The following BMPR2 variants were observed in gnomAD, a reference collection of about 807,000 sequenced individuals.
BMPR2 encodes bone morphogenetic protein receptor type-2.
BMPR2 carries 29 observed loss-of-function variants against 100.8 expected under a neutral mutation model. That is an observed-to-expected ratio of 0.29 (90% CI 0.21 to 0.39). The LOEUF is 0.39. BMPR2 is among the 10% of genes least tolerant of loss of function. The probability of loss-of-function intolerance (pLI) is 1.00; values close to 1 mark genes in which losing one functional copy is unlikely to be tolerated. For missense variants in BMPR2, 1,011 were observed against 1,274.5 expected, an observed-to-expected ratio of 0.79 and a Z score of 3.15; for synonymous variants, 382 against 442.3, an observed-to-expected ratio of 0.86 and a Z score of 1.71.
intron 1 of BMPR2, among the ~76,000 whole-genome samples, chr2:202,422,741 A>G (rs1032663246): frequency 6.6e-6 from 1 of 152,038 alleles, no homozygotes; most frequent in South Asian, 2.1e-4. Context: ...CAGTGGCATG[A>G]TCTCAGCTCA....
intron 1 of BMPR2, among the ~76,000 whole-genome samples, chr2:202,444,378 T>G (rs1363304567): frequency 1.3e-5 from 2 of 150,736 alleles, no homozygotes; most frequent in African/African-American, 5.0e-5. Context: ...TGAAATAATT[T>G]GGGGCACATG....
intron 1 of BMPR2, among the ~76,000 whole-genome samples, chr2:202,390,633 A>G (rs1690527740): frequency 6.6e-6 from 1 of 152,054 alleles, no homozygotes; most frequent in African/African-American, 2.4e-5. Flanking sequence ...TGCTTGGCCG[A>G]GAATCTCCCA....
rs1296654912 is a variant in BMPR2 at position 202,381,366 on chromosome 2, C to T, written c.76+3816C>T. ...TGGCATGCAACAATAGGCATTTATTCTGCTCCATGTGTCTCTTTCTGGGGT... is the reference window on the plus strand; with the variant it reads ...TGGCATGCAACAATAGGCATTTATTTTGCTCCATGTGTCTCTTTCTGGGGT... On this transcript the variant is annotated intron_variant, in intron 1 of 12. Coordinates refer to ENST00000374580, the MANE Select transcript of BMPR2 (RefSeq NM_001204.7). Among the ~76,000 whole-genome samples, 5 of 152,150 alleles carry T rather than the reference C, an allele frequency of 3.3e-5. No individual in the cohort carries two copies. In the East Asian group the frequency reaches 9.6e-4, roughly 29 times the overall value.
At chr2:202,393,156 C>G (rs1451195913) in intron 1 of BMPR2, among the ~76,000 whole-genome samples, 1 of 152,102 alleles carries the variant, frequency 6.6e-6, no homozygotes, top group Non-Finnish European at 1.5e-5. Flanking sequence ...ATAGCATAAA[C>G]TGGAATTAAA....
Position 202,392,576 on chromosome 2 carries a change from A to T in BMPR2, c.76+15026A>T, listed in dbSNP as rs191155061. Among the ~76,000 whole-genome samples, 405 of 152,342 alleles carry T rather than the reference A, an allele frequency of 2.7e-3. 2 individuals are homozygous for T. Among genetic ancestry groups the T allele is most frequent in the South Asian group, 0.011 (51 of 4,834 alleles). ...CATGGTAAGTAGGTGACCAATATCA[A>T]TTGGGTAAAATGCCTGATCATTGGA... is the stretch of plus-strand genomic sequence containing the variant. On this transcript the variant is annotated intron_variant, in intron 1 of 12. Transcript: ENST00000374580.
intron 3 of BMPR2, among the ~76,000 whole-genome samples, chr2:202,472,762 A>G (rs907208282): frequency 6.6e-6 from 1 of 152,240 alleles, no homozygotes; most frequent in Non-Finnish European, 1.5e-5. Context: ...TTAGTTTACT[A>G]TAACCTTTTG....
At chr2:202,404,518 A>T (rs563637785) in intron 1 of BMPR2, among the ~76,000 whole-genome samples, 6 of 152,142 alleles carry the variant, frequency 3.9e-5, no homozygotes, top group African/African-American at 1.4e-4. Context: ...TTTGCTAGGT[A>T]TATGGATTTG....
intron 3 of BMPR2, among the ~76,000 whole-genome samples, chr2:202,486,432 C>T (rs1325580101): frequency 6.6e-6 from 1 of 152,068 alleles, no homozygotes; most frequent in Non-Finnish European, 1.5e-5. Context: ...AGTTTGAGAC[C>T]AGCCTGGCCA....
chr2:202,378,028 A>C (rs1288354807), intron 1 of BMPR2, among the ~76,000 whole-genome samples: 1 of 152,228 alleles, frequency 6.6e-6, no homozygotes, highest in Admixed American at 6.5e-5. Flanking sequence ...CTGGGAATCC[A>C]TGTTCCTTTC....
At chr2:202,425,349 G>T (rs963830774) in intron 1 of BMPR2, among the ~76,000 whole-genome samples, 1 of 152,190 alleles carries the variant, frequency 6.6e-6, no homozygotes, top group African/African-American at 2.4e-5. Context: ...GTAATGTACA[G>T]GAAACAGAAG....
Position 202,529,866 on chromosome 2 carries a change from CTTTG to C in BMPR2, c.968-924_968-921del, listed in dbSNP as rs1414150410. On this transcript the variant is annotated intron_variant, in intron 7 of 12. Transcript: ENST00000374580. ...AAATGTATTGACTTTGTTCTGATTG[CTTTG>C]TTTTTCTCTATACCTAAGCAGATAT... Among the ~76,000 whole-genome samples the C allele has an allele frequency of 4.6e-5, 7 of 152,048 alleles. No homozygotes were observed. The East Asian group carries it at 5.8e-4, about 13-fold the overall frequency.
intron 2 of BMPR2, among the ~76,000 whole-genome samples, chr2:202,465,898 C>T (rs1466706995): frequency 1.3e-5 from 2 of 152,092 alleles, no homozygotes; most frequent in Non-Finnish European, 2.9e-5. Flanking sequence ...ATTTCATATC[C>T]AGTTTTCTCC....
In BMPR2 at chr2:202,464,998, A is replaced by G. The variant is rs1692292685; in HGVS notation, c.247+19A>G. 6 of 1,612,294 alleles carry G rather than the reference A, an allele frequency of 3.7e-6. No homozygotes were observed. On this transcript the variant is annotated intron_variant, in intron 2 of 12. Transcript: ENST00000374580. The stretch of plus-strand genomic sequence containing the variant: ...AAACAAGGCAAGTGATACTTTCCTT[A>G]CCTGAAATGACTGTGTTTTATACAA...
chr2:202,438,723 T>C (rs1419319925), intron 1 of BMPR2, among the ~76,000 whole-genome samples: 1 of 150,686 alleles, frequency 6.6e-6, no homozygotes, highest in African/African-American at 2.5e-5. Flanking sequence ...AGGGCAATTT[T>C]TTCCCCATTG....
chr2:202,398,204 T>C (rs1473410116), intron 1 of BMPR2, among the ~76,000 whole-genome samples: 1 of 152,186 alleles, frequency 6.6e-6, no homozygotes, highest in Non-Finnish European at 1.5e-5. Context: ...TTTTTTCTTA[T>C]TACTGTGATC....
chr2:202,549,632 C>T (rs1688439032), intron 10 of BMPR2, among the ~76,000 whole-genome samples: 1 of 151,586 alleles, frequency 6.6e-6, no homozygotes, highest in Non-Finnish European at 1.5e-5. Flanking sequence ...ACCTGTAATC[C>T]CAGTTACTCG....
Position 202,376,402 on chromosome 2 carries a change from C to G in BMPR2, c.-1073C>G, listed in dbSNP as rs1314100913. Among the ~76,000 whole-genome samples the G allele has an allele frequency of 6.7e-6, 1 of 148,356 alleles. No homozygotes were observed. Among genetic ancestry groups the G allele is most frequent in the Admixed American group, 6.7e-5 (1 of 14,914 alleles). On this transcript the variant is annotated 5_prime_UTR_variant, in exon 1 of 13. Coordinates refer to ENST00000374580, the MANE Select transcript of BMPR2 (RefSeq NM_001204.7). ...GGAGGGACGCAGGGTGTCTCGCCGC[C>G]TCCCTGCCCACCCCCTTCCCCGGCT...
intron 1 of BMPR2, among the ~76,000 whole-genome samples, chr2:202,384,204 T>C (rs1451277874): frequency 1.3e-5 from 2 of 152,136 alleles, no homozygotes; most frequent in Non-Finnish European, 2.9e-5. Flanking sequence ...AACACTGATA[T>C]GAAAGATTAT....
intron 1 of BMPR2, among the ~76,000 whole-genome samples, chr2:202,378,418 A>G (rs1690201233): frequency 1.3e-5 from 2 of 152,162 alleles, no homozygotes; most frequent in South Asian, 4.1e-4. Context: ...CACTTGGTTT[A>G]TGATGGGCAA....
Sources: allele counts gnomAD v4.1 joint callset (sites outside exome capture counted in the v4.1 genomes callset), GRCh38; gene constraint gnomAD v4.1.1; transcripts MANE v1.5; gene names NCBI Gene and HGNC (gene_info 2026-07-23, HGNC 2026-07-21).